Variants in NRXN3 observed in about 807,000 individuals in gnomAD.
NRXN3 encodes the protein neurexin 3.
A neutral mutation model predicts 137.6 loss-of-function variants in NRXN3; 32 were observed. The ratio of observed to expected loss-of-function variants is 0.23; its 90% CI spans 0.18 to 0.31. The LOEUF is 0.31. Ranked by LOEUF, NRXN3 falls within the 10% of genes least tolerant of loss-of-function variation. The probability of loss-of-function intolerance (pLI) is 1.00; values close to 1 mark genes in which losing one functional copy is unlikely to be tolerated. For synonymous variants in NRXN3, 798 were observed against 784.5 expected, an observed-to-expected ratio of 1.02 and a Z score of -0.29; for missense variants, 1,574 against 2,062.5, an observed-to-expected ratio of 0.76 and a Z score of 4.59.
chr14:78,355,136 T>A (rs1165042897), intron 4 of NRXN3, among the ~76,000 whole-genome samples: 1 of 152,234 alleles, frequency 6.6e-6, no homozygotes, highest in Admixed American at 6.5e-5. Flanking sequence ...TTTCCTCATG[T>A]CCTTAACTAA....
At chr14:79,305,267 A>G (rs1258718562) in intron 15 of NRXN3, among the ~76,000 whole-genome samples, 2 of 152,076 alleles carry the variant, frequency 1.3e-5, no homozygotes, top group Non-Finnish European at 2.9e-5. Flanking sequence ...GATAAATGCC[A>G]GTCATTATTA....
intron 4 of NRXN3, among the ~76,000 whole-genome samples, chr14:78,312,934 G>A (rs1009581582): frequency 6.6e-6 from 1 of 151,982 alleles, no homozygotes; most frequent in Admixed American, 6.6e-5. Context: ...TTGTTAAAAG[G>A]AAAAAAGAAA....
chr14:78,180,816 C>T (rs1325539732), intron 1 of NRXN3, among the ~76,000 whole-genome samples: 2 of 152,188 alleles, frequency 1.3e-5, no homozygotes, highest in Non-Finnish European at 2.9e-5. Flanking sequence ...GGCCCAGCCT[C>T]TGGTGGAGAA....
chr14:79,494,976 A>G (rs544640226), intron 16 of NRXN3, among the ~76,000 whole-genome samples: 38 of 152,356 alleles, frequency 2.5e-4, no homozygotes, highest in Non-Finnish European at 4.7e-4. Context: ...ATCTAAACGT[A>G]TATTTGTCAG....
intron 15 of NRXN3, among the ~76,000 whole-genome samples, chr14:79,330,295 T>G (rs1426510065): frequency 6.6e-6 from 1 of 152,098 alleles, no homozygotes; most frequent in Admixed American, 6.5e-5. Flanking sequence ...GATGGAAATA[T>G]TTGATTCCAG....
At chr14:78,775,838 G>T (rs868003096) in intron 8 of NRXN3, among the ~76,000 whole-genome samples, 2 of 152,122 alleles carry the variant, frequency 1.3e-5, no homozygotes, top group Non-Finnish European at 1.5e-5. Flanking sequence ...GTTATCTGAG[G>T]TAATTCCTGT....
chr14:78,675,896 T>C (rs2097999473), intron 6 of NRXN3, among the ~76,000 whole-genome samples: 1 of 146,556 alleles, frequency 6.8e-6, no homozygotes, highest in Admixed American at 7.0e-5. Flanking sequence ...ATTTTGGTAA[T>C]TCTTGAAACT....
intron 15 of NRXN3, among the ~76,000 whole-genome samples, chr14:79,093,329 G>C (rs532571507): frequency 6.6e-6 from 1 of 152,102 alleles, no homozygotes; most frequent in Non-Finnish European, 1.5e-5. Context: ...CCCAGAAAAC[G>C]TAAGTAAGGC....
Position 79,475,534 on chromosome 14 carries a change from C to A in NRXN3, c.3444+8132C>A, listed in dbSNP as rs2096552076. Among the ~76,000 whole-genome samples the A allele has an allele frequency of 2.0e-5, 3 of 151,974 alleles. No homozygotes were observed. The South Asian group carries it at 6.2e-4, about 32-fold the overall frequency. ...TGTGTGTTGAGGGTACTGTGACCAA[C>A]CTTGGCTTGCATAGCATAAACAGGC... On this transcript the variant is annotated intron_variant, in intron 16 of 20. Transcript: ENST00000335750.
chr14:78,674,256 A>G (rs993809933), intron 6 of NRXN3, among the ~76,000 whole-genome samples: 1 of 152,202 alleles, frequency 6.6e-6, no homozygotes, highest in African/African-American at 2.4e-5. Flanking sequence ...CCTCTTTCAA[A>G]TCTATTTGCT....
intron 4 of NRXN3, among the ~76,000 whole-genome samples, chr14:78,301,164 A>G (rs1200722564): frequency 2.0e-5 from 3 of 149,600 alleles, no homozygotes; most frequent in South Asian, 4.2e-4. Flanking sequence ...TGGGGGGGAT[A>G]TTTATTTATT....
intron 15 of NRXN3, chr14:79,074,538 C>G (rs1398798832): frequency 1.9e-4 from 29 of 152,188 alleles, no homozygotes; most frequent in Admixed American, 1.9e-3. Flanking sequence ...GAGGCTTCTC[C>G]TTTACTTACC....
intron 15 of NRXN3, among the ~76,000 whole-genome samples, chr14:79,287,087 T>C (rs2082390375): frequency 6.6e-6 from 1 of 152,190 alleles, no homozygotes; most frequent in African/African-American, 2.4e-5. Flanking sequence ...TGGTAGATAG[T>C]GGTTAAAGAA....
In NRXN3 at chr14:78,966,185, T is replaced by C. The variant is rs1370889174; in HGVS notation, c.2556T>C (p.Gly852=). 1 of 1,613,984 alleles carries C rather than the reference T, an allele frequency of 6.2e-7. No homozygotes were observed. Among genetic ancestry groups the C allele is most frequent in the African/African-American group, 1.3e-5 (1 of 74,914 alleles). ...TCTACATTGACTTGTGCAAAAATGG[T>C]GACATTGATTATTGTGAGCTGAAGG... ...GLLYIDLCKN[G]DIDYCELKAR... The change falls in exon 12 of 21, where the codon GGT becomes GGC. Residue 852 remains glycine, a synonymous_variant. Coordinates refer to ENST00000335750, the MANE Select transcript of NRXN3 (RefSeq NM_001330195.2).
At chr14:79,090,451 C>A (rs2048949120) in intron 15 of NRXN3, among the ~76,000 whole-genome samples, 1 of 151,978 alleles carries the variant, frequency 6.6e-6, no homozygotes, top group South Asian at 2.1e-4. Flanking sequence ...CCAGTTACAC[C>A]CTGGGTTTGT....
chr14:79,729,610 A>G (rs2098914325), intron 19 of NRXN3, among the ~76,000 whole-genome samples: 1 of 152,216 alleles, frequency 6.6e-6, no homozygotes, highest in South Asian at 2.1e-4. Flanking sequence ...TGAATTTCCA[A>G]TAACTCACCT....
At chr14:78,384,007 C>G (rs918872928) in intron 4 of NRXN3, among the ~76,000 whole-genome samples, 1 of 152,126 alleles carries the variant, frequency 6.6e-6, no homozygotes, top group African/African-American at 2.4e-5. Flanking sequence ...AGTTGATTAT[C>G]TGTAAGGAGT....
At chr14:79,372,706 T>C (rs918065170) in intron 15 of NRXN3, among the ~76,000 whole-genome samples, 3 of 152,122 alleles carry the variant, frequency 2.0e-5, no homozygotes, top group Non-Finnish European at 4.4e-5. Context: ...GAATTGGATA[T>C]GTGAATGATT....
At chr14:79,129,126 G>T (rs1369425939) in intron 15 of NRXN3, among the ~76,000 whole-genome samples, 1 of 151,392 alleles carries the variant, frequency 6.6e-6, no homozygotes, top group Admixed American at 6.6e-5. Context: ...TTCAAAAAAC[G>T]AGCTCCTGGA....
Sources: allele counts gnomAD v4.1 joint callset (sites outside exome capture counted in the v4.1 genomes callset), GRCh38; gene constraint gnomAD v4.1.1; transcripts MANE v1.5; gene names NCBI Gene and HGNC (gene_info 2026-07-23, HGNC 2026-07-21).